The following HHAT variants were observed in gnomAD, a reference collection of about 807,000 sequenced individuals.
HHAT encodes the protein hedgehog acyltransferase.
A neutral mutation model predicts 70.8 loss-of-function variants in HHAT; 47 were observed. The observed-to-expected ratio is 0.66, with a 90% CI of 0.53 to 0.85. The LOEUF is 0.85. Ranked by LOEUF, HHAT falls within the 40% of genes least tolerant of loss-of-function variation. HHAT has a pLI of 0.00. For synonymous variants in HHAT, 228 were observed against 247.6 expected (o/e 0.92, Z 0.74); for missense variants, 609 against 604.8 (o/e 1.01, Z -0.07).
At chr1:210,405,000 A>T (rs978553828) in intron 6 of HHAT, among the ~76,000 whole-genome samples, 2 of 152,180 alleles carry the variant, frequency 1.3e-5, no homozygotes, top group African/African-American at 4.8e-5. Flanking sequence ...GTCCCAAGGA[A>T]AGAAAAAAAT....
chr1:210,468,678 C>A (rs1338774863), intron 8 of HHAT, among the ~76,000 whole-genome samples: 1 of 152,136 alleles, frequency 6.6e-6, no homozygotes, highest in East Asian at 1.9e-4. Flanking sequence ...ATCAGTTCTA[C>A]AAACTGCTGG....
intron 7 of HHAT, among the ~76,000 whole-genome samples, chr1:210,422,552 G>A (rs1432201627): frequency 6.6e-6 from 1 of 152,144 alleles, no homozygotes; most frequent in Non-Finnish European, 1.5e-5. Flanking sequence ...ATGTACCCCA[G>A]TTCCATCTTT....
intron 11 of HHAT, among the ~76,000 whole-genome samples, chr1:210,634,202 G>A (rs1215294724): frequency 2.0e-5 from 3 of 152,218 alleles, no homozygotes; most frequent in Non-Finnish European, 4.4e-5. Flanking sequence ...AGACAACTGA[G>A]CGCTAAGCCA....
intron 11 of HHAT, among the ~76,000 whole-genome samples, chr1:210,639,322 T>G (rs865921818): frequency 3.9e-5 from 6 of 152,244 alleles, no homozygotes; most frequent in Admixed American, 2.6e-4. Flanking sequence ...CTGCTAAAGT[T>G]TAGTCTGTAC....
At chr1:210,457,603 A>G (rs2093896516) in intron 7 of HHAT, among the ~76,000 whole-genome samples, 1 of 152,134 alleles carries the variant, frequency 6.6e-6, no homozygotes, top group African/African-American at 2.4e-5. Flanking sequence ...TCAAACATGC[A>G]AAGATGGCAG....
At chr1:210,590,537 C>A (rs1487777488) in intron 10 of HHAT, 1 of 11,326 alleles carries the variant, frequency 8.8e-5, no homozygotes. Context: ...GTGTAAGTTC[C>A]AGTCCAAAAA....
At chr1:210,419,952 A>G (rs1215723212) in intron 7 of HHAT, among the ~76,000 whole-genome samples, 1 of 152,220 alleles carries the variant, frequency 6.6e-6, no homozygotes, top group East Asian at 1.9e-4. Flanking sequence ...ACAATAAGGA[A>G]GTTATTCCAT....
intron 3 of HHAT, among the ~76,000 whole-genome samples, chr1:210,379,039 C>T (rs574759977): frequency 3.0e-4 from 46 of 152,302 alleles, no homozygotes; most frequent in Non-Finnish European, 6.0e-4. Flanking sequence ...ATAGAAAAAC[C>T]TGTAGGAGCA....
At chr1:210,419,556 C>G (rs2092831217) in intron 7 of HHAT, among the ~76,000 whole-genome samples, 2 of 152,202 alleles carry the variant, frequency 1.3e-5, no homozygotes, top group East Asian at 1.9e-4. Context: ...CCAGGCAGAT[C>G]AAGCTGTTCC....
At chr1:210,650,118 G>T (rs1674834996) in intron 11 of HHAT, among the ~76,000 whole-genome samples, 1 of 152,216 alleles carries the variant, frequency 6.6e-6, no homozygotes, top group South Asian at 2.1e-4. Context: ...ACATGACTCG[G>T]AAACAGCTCA....
chr1:210,459,301 G>A (rs755618205), intron 7 of HHAT, among the ~76,000 whole-genome samples: 1 of 152,126 alleles, frequency 6.6e-6, no homozygotes, highest in Non-Finnish European at 1.5e-5. Context: ...TACACTTCCC[G>A]GAAGTACTGT....
intron 9 of HHAT, among the ~76,000 whole-genome samples, chr1:210,523,885 T>C (rs4845040): frequency 0.69 from 104,283 of 152,174 alleles, 35,888 homozygotes; most frequent in South Asian, 0.75. Context: ...TAGACAATGT[T>C]CCTGCCCTCT....
At chr1:210,488,859 C>G (rs2094511018) in intron 8 of HHAT, among the ~76,000 whole-genome samples, 1 of 152,164 alleles carries the variant, frequency 6.6e-6, no homozygotes, top group Non-Finnish European at 1.5e-5. Flanking sequence ...GCACTGCACT[C>G]CAGCCTGGAC....
intron 8 of HHAT, among the ~76,000 whole-genome samples, chr1:210,492,328 C>T (rs2094565195): frequency 6.6e-6 from 1 of 152,134 alleles, no homozygotes; most frequent in Admixed American, 6.5e-5. Flanking sequence ...AGTTCTTCTC[C>T]CAGTAAACAT....
At chr1:210,529,321 A>G (rs1041962740) in intron 9 of HHAT, among the ~76,000 whole-genome samples, 10 of 101,300 alleles carry the variant, frequency 9.9e-5, no homozygotes, top group Non-Finnish European at 2.2e-4. Context: ...AACAAAGGAA[A>G]AAAAAAAAAA....
At chr1:210,409,051 A>G (rs2092435666) in intron 6 of HHAT, among the ~76,000 whole-genome samples, 1 of 152,040 alleles carries the variant, frequency 6.6e-6, no homozygotes, top group South Asian at 2.1e-4. Flanking sequence ...ACTTTTCTAG[A>G]GATGAGGTCT....
intron 10 of HHAT, among the ~76,000 whole-genome samples, chr1:210,606,680 TG>T (rs978164670): frequency 6.6e-6 from 1 of 152,196 alleles, no homozygotes; most frequent in Non-Finnish European, 1.5e-5. Context: ...TCCCTTGATT[TG>T]GTGGAGGACA....
intron 10 of HHAT, among the ~76,000 whole-genome samples, chr1:210,611,459 A>G (rs1456816118): frequency 6.6e-6 from 1 of 151,954 alleles, no homozygotes; most frequent in Non-Finnish European, 1.5e-5. Context: ...CTCCAAAGAT[A>G]ATTTGACTTC....
chr1:210,409,156 G>C (rs1354965427), intron 6 of HHAT, among the ~76,000 whole-genome samples: 1 of 152,132 alleles, frequency 6.6e-6, no homozygotes, highest in East Asian at 1.9e-4. Flanking sequence ...ACACACCATT[G>C]TGCCTGGCCA....
Sources: allele counts gnomAD v4.1 joint callset (sites outside exome capture counted in the v4.1 genomes callset), GRCh38; gene constraint gnomAD v4.1.1; transcripts MANE v1.5; gene names NCBI Gene and HGNC (gene_info 2026-07-23, HGNC 2026-07-21).